The following EXTL2 variants were observed in gnomAD, a reference collection of about 807,000 sequenced individuals.
The protein encoded by EXTL2 is exostosin like glycosyltransferase 2, also known as exostosin-like 2.
Under a neutral mutation model 30.7 loss-of-function variants are expected in EXTL2, and 23 were observed. The observed-to-expected ratio is 0.75, with a 90% CI of 0.54 to 1.06. The LOEUF (loss-of-function observed/expected upper bound fraction) is 1.06. Ranked by LOEUF, EXTL2 falls within the 50% of genes least tolerant of loss-of-function variation. The pLI is 0.00. For missense variants in EXTL2, 352 were observed against 396.3 expected, an observed-to-expected ratio of 0.89 and a Z score of 0.95; for synonymous variants, 123 against 133.8, an observed-to-expected ratio of 0.92 and a Z score of 0.56.
rs1309927185 is a variant in EXTL2 at position 100,872,623 on chromosome 1, C to T, written c.*1319G>A. ...AAAGACCTCATTATTGGAACATTAG[C>T]CATGATTATTTTAATATTCTCACAG... On this transcript the variant is annotated 3_prime_UTR_variant, in exon 5 of 5. Transcript: ENST00000370114. 6.6e-6 allele frequency: 1 copy of T among 151,926 alleles called. No individual in the cohort carries two copies. Among genetic ancestry groups the T allele is most frequent in the African/African-American group, 2.4e-5 (1 of 41,262 alleles). The allele number at this position is 151,926 out of a possible 1,614,324, so 9.4% of individuals were successfully genotyped here.
At position 100,873,732 on chromosome 1, in the gene EXTL2, T is replaced by A. The variant is rs1648871364; in HGVS notation, c.*210A>T. On this transcript the variant is annotated 3_prime_UTR_variant, in exon 5 of 5. Transcript: ENST00000370114. ...AGGAGTTATATCCCTGGATGAAAAC[T>A]CTTCATAAGAAGACCTAACTGGATA... is the stretch of plus-strand genomic sequence containing the variant. 2.1e-6 allele frequency: 1 copy of A among 469,902 alleles called. No individual in the cohort carries two copies. Among genetic ancestry groups the A allele is most frequent in the Admixed American group, 3.9e-5 (1 of 25,356 alleles). 29.1% of individuals were successfully genotyped at this position (469,902 alleles called of 1,614,324 possible).
At chr1:100,882,576 C>A (rs963862560) in intron 2 of EXTL2, among the ~76,000 whole-genome samples, 68 of 152,270 alleles carry the variant, frequency 4.5e-4, no homozygotes, top group African/African-American at 1.6e-3. Context: ...AATCCCAGCA[C>A]TTACGGGGGC....
intron 2 of EXTL2, among the ~76,000 whole-genome samples, chr1:100,880,337 C>T (rs1460585263): frequency 6.6e-6 from 1 of 152,148 alleles, no homozygotes; most frequent in Non-Finnish European, 1.5e-5. Flanking sequence ...AAAGTAATGT[C>T]ACCTTTAGAG....
In EXTL2 at chr1:100,886,992, C is replaced by T. The variant is rs533883675; in HGVS notation, c.5+1761G>A. ...TGACTCATAGGATCCAAGGAGTCAA[C>T]GCATCCTAAGAGGAAAGCCTAGAAA... On this transcript the variant is annotated intron_variant, in intron 2 of 4. Transcript: ENST00000370114. Among the ~76,000 whole-genome samples, 26 of 152,226 alleles carry T rather than the reference C, an allele frequency of 1.7e-4. No homozygotes were observed. The East Asian group carries it at 3.7e-3, about 21-fold the overall frequency.
At position 100,876,821 on chromosome 1, in the gene EXTL2, G is replaced by T; in HGVS notation, c.477C>A (p.Asp159Glu). 1 of 1,612,124 alleles carries T rather than the reference G, an allele frequency of 6.2e-7. No individual in the cohort carries two copies. Among genetic ancestry groups the T allele is most frequent in the Non-Finnish European group, 8.5e-7 (1 of 1,178,658 alleles). Residue 159 changes from aspartate (D) to glutamate (E), a missense_variant, in exon 4 of 5, where the codon GAC becomes GAA. Asp to Glu is a conservative substitution (Grantham distance 45). Transcript: ENST00000370114. The part of the protein sequence containing the change: ...VDDDTLISTP[D>E]LVFAFSVWQQ... ...GCCAAACTGAGAAAGCAAAAACAAG[G>T]TCTGGGGTGCTGATGAGTGTGTCAT...
rs752553099 is a variant in EXTL2 at position 100,877,429 on chromosome 1, C to T, written c.433+47G>A. On this transcript the variant is annotated intron_variant, in intron 3 of 4. Transcript: ENST00000370114. This position sits in a 1 kb window ranked among gnomAD's most constrained non-coding sequence, Gnocchi z 4.1. ...AGAAATTCACATGTCTGTCCCAGCTCTGGACAGCGGCAGCCTTTCCAGGCT... is the reference window on the plus strand; with the variant it reads ...AGAAATTCACATGTCTGTCCCAGCTTTGGACAGCGGCAGCCTTTCCAGGCT... The T allele has an allele frequency of 2.7e-6, 4 of 1,482,598 alleles. No homozygotes were observed. Among genetic ancestry groups the T allele is most frequent in the Non-Finnish European group, 3.6e-6 (4 of 1,105,156 alleles). 91.8% of individuals were successfully genotyped at this position (1,482,598 alleles called of 1,614,324 possible).
chr1:100,886,992 C>G (rs533883675), intron 2 of EXTL2, among the ~76,000 whole-genome samples: 1 of 152,108 alleles, frequency 6.6e-6, no homozygotes, highest in African/African-American at 2.4e-5. Context: ...AAGGAGTCAA[C>G]GCATCCTAAG....
At chr1:100,879,007 C>T (rs1210523987) in intron 2 of EXTL2, among the ~76,000 whole-genome samples, 3 of 152,066 alleles carry the variant, frequency 2.0e-5, no homozygotes, top group Non-Finnish European at 2.9e-5. Flanking sequence ...CCAGAGATAG[C>T]CATAGAACAG....
intron 2 of EXTL2, among the ~76,000 whole-genome samples, chr1:100,879,114 A>G (rs567923734): frequency 2.3e-4 from 35 of 152,318 alleles, no homozygotes; most frequent in South Asian, 1.9e-3. Context: ...TAAATCTCAG[A>G]CAGTTTTATA....
chr1:100,874,140 C>G lies in EXTL2; in HGVS notation c.795G>C (p.Lys265Asn). The G allele has an allele frequency of 6.2e-7, 1 of 1,612,988 alleles. No homozygotes were observed. The highest frequency in any genetic ancestry group is 8.5e-7 in the Non-Finnish European group (1 of 1,179,478). ...TTTCCAAATTGTCCATGTTTACAGG[C>G]TTCACAAATATCCCTGAAGTCTTGC... ...HIGKTSGIFV[K>N]PVNMDNLEKE... Residue 265 changes from lysine (K) to asparagine (N), a missense_variant, in exon 5 of 5, where the codon AAG (lysine) becomes AAC (asparagine). Physicochemically the swap from Lys to Asn is moderately conservative, Grantham distance 94. Transcript: ENST00000370114.
In EXTL2 at chr1:100,874,067, C is replaced by T. The variant is rs760946382; in HGVS notation, c.868G>A (p.Ala290Thr). ...TTTATACAATAAGACCTCTGCAGAGCGTGCTCAGCTCGATGCCACATTCCA... is the reference window on the plus strand; with the variant it reads ...TTTATACAATAAGACCTCTGCAGAGTGTGCTCAGCTCGATGCCACATTCCA... ...YSGMWHRAEHALQRSYCINKL... is the reference protein window; with the variant it reads ...YSGMWHRAEHTLQRSYCINKL... Residue 290 changes from alanine (A) to threonine (T), a missense_variant, in exon 5 of 5, where the codon GCT becomes ACT. Physicochemically the swap from Ala to Thr is moderately conservative, Grantham distance 58 (BLOSUM62 0). Transcript: ENST00000370114. 18 of 1,612,938 alleles carry T rather than the reference C, an allele frequency of 1.1e-5. No individual in the cohort carries two copies. Among genetic ancestry groups the T allele is most frequent in the East Asian group, 4.5e-5 (2 of 44,854 alleles).
intron 2 of EXTL2, chr1:100,881,085 T>C (rs1485487130): frequency 3.2e-6 from 3 of 940,026 alleles, no homozygotes; most frequent in Non-Finnish European, 3.8e-6. Context: ...ATATGAATAA[T>C]TTATGTCTTT....
chr1:100,878,757 A>G (rs531095141), intron 2 of EXTL2, among the ~76,000 whole-genome samples: 113 of 152,184 alleles, frequency 7.4e-4, no homozygotes, highest in Non-Finnish European at 1.4e-3. Flanking sequence ...CAGAGATTAC[A>G]TGCCCTTCCC....
intron 2 of EXTL2, among the ~76,000 whole-genome samples, chr1:100,878,677 CCATTGGAGA>C (rs2100926812): frequency 6.6e-6 from 1 of 152,186 alleles, no homozygotes; most frequent in Non-Finnish European, 1.5e-5. Flanking sequence ...AGATGAGAAG[CCATTGGAGA>C]GTTCTTGGAT....
chr1:100,894,990 G>A (rs1437861119), upstream of EXTL2: 1 of 152,190 alleles, frequency 6.6e-6, no homozygotes, highest in African/African-American at 2.4e-5. Flanking sequence ...AAACATTCAC[G>A]TGACGGACCA....
At chr1:100,874,893 T>C (rs1189885761) in intron 4 of EXTL2, among the ~76,000 whole-genome samples, 2 of 152,096 alleles carry the variant, frequency 1.3e-5, no homozygotes, top group East Asian at 3.9e-4. Context: ...TTGATTTCGA[T>C]GTTCATAAAA....
intron 2 of EXTL2, chr1:100,880,947 C>A (rs187792621): frequency 1.1e-3 from 1,058 of 965,880 alleles, no homozygotes; most frequent in South Asian, 1.2e-3. Context: ...TGAAGACACT[C>A]ATGAGTGACT....
intron 2 of EXTL2, among the ~76,000 whole-genome samples, chr1:100,882,765 A>G (rs929417022): frequency 6.6e-6 from 1 of 152,224 alleles, no homozygotes; most frequent in Non-Finnish European, 1.5e-5. Context: ...AGGCTGCTGC[A>G]GTGAGCTGTG....
chr1:100,873,700 C>A lies in EXTL2; in HGVS notation c.*242G>T. 2.7e-6 allele frequency: 1 copy of A among 373,540 alleles called. No homozygotes were observed. Among genetic ancestry groups the A allele is most frequent in the Non-Finnish European group, 4.8e-6 (1 of 209,434 alleles). 23.1% of individuals were successfully genotyped at this position (373,540 alleles called of 1,614,324 possible). A position where few individuals can be genotyped will look rare whatever the true frequency, so the allele number is the denominator to read the frequency against. Reference sequence around the variant, plus strand: ...TCTCAGGATGTAAACAATAAAATCACTGACCAAGGAGTTATATCCCTGGAT... The same window carrying A: ...TCTCAGGATGTAAACAATAAAATCAATGACCAAGGAGTTATATCCCTGGAT... On this transcript the variant is annotated 3_prime_UTR_variant, in exon 5 of 5. Coordinates refer to ENST00000370114, the MANE Select transcript of EXTL2 (RefSeq NM_001033025.3).
Sources: gnomAD v4.1 joint callset for allele counts (sites outside exome capture counted in the v4.1 genomes callset) on GRCh38, gnomAD v4.1.1 for gene constraint, Gnocchi (gnomAD v3.1) non-coding constraint, MANE v1.5 for transcripts, NCBI Gene and HGNC (gene_info 2026-07-23, HGNC 2026-07-21) for gene names.